The following CEMIP variants were observed in gnomAD, a reference collection of about 807,000 sequenced individuals.
The protein encoded by CEMIP is cell migration inducing hyaluronidase 1.
A neutral mutation model predicts 156.9 loss-of-function variants in CEMIP; 105 were observed. The ratio of observed to expected loss-of-function variants is 0.67; its 90% CI spans 0.57 to 0.79. The LOEUF (loss-of-function observed/expected upper bound fraction) is 0.79, where lower values mean the gene tolerates loss of function less well. CEMIP is among the 30% of genes least tolerant of loss of function. CEMIP has a pLI of 0.00. For missense variants in CEMIP, 1,457 were observed against 1,769.4 expected, an observed-to-expected ratio of 0.82 and a Z score of 3.17; for synonymous variants, 676 against 668.4, an observed-to-expected ratio of 1.01 and a Z score of -0.17.
chr15:80,942,554 ATC>A (rs937501091), intron 27 of CEMIP, among the ~76,000 whole-genome samples: 4 of 151,916 alleles, frequency 2.6e-5, no homozygotes, highest in African/African-American at 9.7e-5. Flanking sequence ...AGACACATTA[ATC>A]TCTGTCTTTA....
chr15:80,871,444 G>A (rs923177109), intron 1 of CEMIP, among the ~76,000 whole-genome samples: 2 of 152,202 alleles, frequency 1.3e-5, no homozygotes, highest in South Asian at 2.1e-4. Flanking sequence ...GAAATCATCT[G>A]TGATATAATT....
rs549398794 is a variant in CEMIP at position 80,949,151 on chromosome 15, A to T, written c.*227A>T. The T allele has an allele frequency of 3.3e-6, 2 of 599,564 alleles. No homozygotes were observed. The highest frequency in any genetic ancestry group is 5.9e-6 in the Non-Finnish European group (2 of 336,686). The allele number at this position is 599,564 out of a possible 1,614,324, so 37.1% of individuals were successfully genotyped here. On this transcript the variant is annotated 3_prime_UTR_variant, in exon 30 of 30. Transcript: ENST00000394685. ...CTGGGGCGGTGCTGGCCAATGCTGG[A>T]AACATTCACTTTCCTGCAGCCTCTT...
intron 1 of CEMIP, among the ~76,000 whole-genome samples, chr15:80,783,488 A>G (rs577747947): frequency 2.7e-4 from 41 of 152,296 alleles, no homozygotes; most frequent in African/African-American, 8.9e-4. Flanking sequence ...AAAGGATCAC[A>G]TTCTTACTCT....
rs3221932 is a variant in CEMIP, at chr15:80,848,900, G to GCACACACACACACACACACACACA, written c.-175-24634_-175-24611dup. Among the ~76,000 whole-genome samples, 131 of 134,622 alleles carry GCACACACACACACACACACACACA rather than the reference G, an allele frequency of 9.7e-4. 2 individuals carry two copies. The highest frequency in any genetic ancestry group is 7.8e-3 in the Middle Eastern group (2 of 258). The allele number at this position is 134,622 out of a possible 152,430, so 88.3% of individuals were successfully genotyped here. On this transcript the variant is annotated intron_variant, in intron 1 of 29. Coordinates refer to ENST00000394685, the MANE Select transcript of CEMIP (RefSeq NM_001293298.2). The stretch of plus-strand genomic sequence containing the variant: ...TGTTCTCTGATGAGCGTGTGCGCGT[G>GCACACACACACACACACACACACA]CACACACACACACACACACACACAC...
intron 1 of CEMIP, among the ~76,000 whole-genome samples, chr15:80,782,618 T>C (rs943752770): frequency 6.6e-6 from 1 of 152,052 alleles, no homozygotes. Context: ...AAAGTGTGTG[T>C]GTGTGCGTGC....
chr15:80,858,779 C>G (rs1897915540), intron 1 of CEMIP, among the ~76,000 whole-genome samples: 1 of 152,108 alleles, frequency 6.6e-6, no homozygotes, highest in Non-Finnish European at 1.5e-5. Context: ...CTTTTGGCTT[C>G]TTATTAGTTA....
intron 25 of CEMIP, among the ~76,000 whole-genome samples, chr15:80,938,936 C>G (rs1159309101): frequency 6.6e-6 from 1 of 152,156 alleles, no homozygotes; most frequent in Non-Finnish European, 1.5e-5. Context: ...GATAAAGAAA[C>G]TGATAACAGA....
At position 80,846,383 on chromosome 15, in the gene CEMIP, C is replaced by G. The variant is rs1897557736; in HGVS notation, c.-175-27155C>G. Among the ~76,000 whole-genome samples, 2 of 152,308 alleles carry G rather than the reference C, an allele frequency of 1.3e-5. 1 individual carries two copies. The highest frequency in any genetic ancestry group is 4.1e-4 in the South Asian group (2 of 4,826). On this transcript the variant is annotated intron_variant, in intron 1 of 29. Coordinates refer to ENST00000394685, the MANE Select transcript of CEMIP (RefSeq NM_001293298.2). ...TAGCCCGAGACAGGCTTTTCCTCCC[C>G]CAGGAAAACCTTTCCTGTGCTTCAC...
intron 1 of CEMIP, among the ~76,000 whole-genome samples, chr15:80,826,861 T>G (rs1393775314): frequency 1.3e-5 from 2 of 152,180 alleles, no homozygotes; most frequent in Non-Finnish European, 2.9e-5. Flanking sequence ...CTTAGCTACC[T>G]GTTCCCTGAT....
chr15:80,912,219 C>CAGCA (rs1279507618), intron 14 of CEMIP, among the ~76,000 whole-genome samples: 2 of 152,198 alleles, frequency 1.3e-5, no homozygotes, highest in Non-Finnish European at 2.9e-5. Flanking sequence ...AGAGGGAAGG[C>CAGCA]AGCAGTTCAG....
chr15:80,926,465 C>G (rs1016252141), intron 19 of CEMIP, among the ~76,000 whole-genome samples: 8 of 152,068 alleles, frequency 5.3e-5, no homozygotes, highest in African/African-American at 1.7e-4. Flanking sequence ...ACATATTTCT[C>G]TATTTTATTG....
chr15:80,831,667 C>G (rs569359087), intron 1 of CEMIP, among the ~76,000 whole-genome samples: 2 of 152,262 alleles, frequency 1.3e-5, no homozygotes, highest in East Asian at 3.9e-4. Context: ...ACTCCAAAGC[C>G]CCGGCTGGAG....
chr15:80,849,438 C>T (rs964165168), intron 1 of CEMIP, among the ~76,000 whole-genome samples: 4 of 152,154 alleles, frequency 2.6e-5, no homozygotes, highest in East Asian at 1.9e-4. Context: ...ATTGCCTTGG[C>T]GAGGAGCCTA....
chr15:80,888,814 A>G lies in CEMIP; in HGVS notation c.964+18A>G. On this transcript the variant is annotated intron_variant, in intron 9 of 29. Coordinates refer to ENST00000394685, the MANE Select transcript of CEMIP (RefSeq NM_001293298.2). ...GGTTCAAGGTGAGGAGTTTCAGACA[A>G]TTTGGTGACACCTAACAGTGGGATA... The G allele has an allele frequency of 6.3e-7, 1 of 1,587,154 alleles. No individual in the cohort carries two copies. Among genetic ancestry groups the G allele is most frequent in the South Asian group, 1.1e-5 (1 of 90,542 alleles).
At chr15:80,889,400 A>T (rs1897501079) in intron 9 of CEMIP, 71 bp from the exon 10 acceptor site, 1 of 1,608,766 alleles carries the variant, frequency 6.2e-7, no homozygotes, top group South Asian at 1.1e-5. Context: ...GGATGCTTGG[A>T]GACAACACTG....
At position 80,922,156 on chromosome 15, in the gene CEMIP, C is replaced by T. The variant is rs529685363; in HGVS notation, c.2202+19C>T. 9.3e-6 allele frequency: 15 copies of T among 1,613,718 alleles called. No homozygotes were observed. Among genetic ancestry groups the T allele is most frequent in the Middle Eastern group, 1.7e-4 (1 of 6,058 alleles). On this transcript the variant is annotated intron_variant, in intron 17 of 29. Transcript: ENST00000394685. Reference sequence around the variant, plus strand: ...CTACCGGGTAAGTCTTTCCAGGCTGCGCCTCTCTGGCCAGCCTCTCGGTCC... The same window carrying T: ...CTACCGGGTAAGTCTTTCCAGGCTGTGCCTCTCTGGCCAGCCTCTCGGTCC...
At chr15:80,901,838 C>T (rs1046079688) in intron 12 of CEMIP, among the ~76,000 whole-genome samples, 8 of 152,222 alleles carry the variant, frequency 5.3e-5, no homozygotes, top group Non-Finnish European at 7.4e-5. Flanking sequence ...TTCTAGTGGG[C>T]GGCACTGATG....
intron 1 of CEMIP, among the ~76,000 whole-genome samples, chr15:80,821,369 A>G (rs1313470797): frequency 6.6e-6 from 1 of 152,220 alleles, no homozygotes; most frequent in Non-Finnish European, 1.5e-5. Context: ...GTTATGACCC[A>G]TATATAGCCA....
intron 1 of CEMIP, among the ~76,000 whole-genome samples, chr15:80,782,604 C>T (rs912284024): frequency 1.3e-5 from 2 of 152,062 alleles, no homozygotes; most frequent in African/African-American, 2.4e-5. Context: ...TTTCTCCCCC[C>T]ACAAAAGTGT....
Sources: gnomAD v4.1 joint callset for allele counts (sites outside exome capture counted in the v4.1 genomes callset) on GRCh38, gnomAD v4.1.1 for gene constraint, MANE v1.5 for transcripts, NCBI Gene and HGNC (gene_info 2026-07-23, HGNC 2026-07-21) for gene names.